Variants in NAV3 observed in about 807,000 individuals in gnomAD.
NAV3 encodes pore membrane and/or filament interacting like protein 1.
In NAV3, 87 loss-of-function variants were observed where a neutral mutation model predicts 244.7. The ratio of observed to expected loss-of-function variants is 0.36; its 90% CI spans 0.30 to 0.42. NAV3 has a LOEUF of 0.42. NAV3 is among the 20% of genes least tolerant of loss of function. The probability of loss-of-function intolerance (pLI) is 1.00; values close to 1 mark genes in which losing one functional copy is unlikely to be tolerated. For synonymous variants in NAV3, 1,126 were observed against 1,042.2 expected (o/e 1.08, Z -1.55); for missense variants, 2,663 against 2,893.3 (o/e 0.92, Z 1.83).
At chr12:77,979,227 A>G (rs1248792921) in intron 5 of NAV3, among the ~76,000 whole-genome samples, 4 of 136,304 alleles carry the variant, frequency 2.9e-5, no homozygotes, top group Non-Finnish European at 6.3e-5. Context: ...TACAATACAA[A>G]AAAAAAAAAA....
chr12:77,990,435 C>A (rs984356489), intron 5 of NAV3, among the ~76,000 whole-genome samples: 2 of 131,120 alleles, frequency 1.5e-5, no homozygotes, highest in Non-Finnish European at 3.6e-5. Context: ...CTAGTTGTGG[C>A]AATCTGGTAA....
chr12:77,953,368 A>T (rs111425662), intron 3 of NAV3, among the ~76,000 whole-genome samples: 3 of 152,164 alleles, frequency 2.0e-5, no homozygotes, highest in African/African-American at 7.2e-5. Context: ...AATTGAATAT[A>T]CCCTTCTCCA....
In NAV3 at chr12:78,120,189, C is replaced by A. The variant is rs557693817; in HGVS notation, c.3749+244C>A. Among the ~76,000 whole-genome samples, 789 of 90,698 alleles carry A rather than the reference C, an allele frequency of 8.7e-3. 4 individuals are homozygous for A. The highest frequency in any genetic ancestry group is 0.033 in the African/African-American group (735 of 22,556). The allele number at this position is 90,698 out of a possible 152,430, so 59.5% of individuals were successfully genotyped here. ...AGTTTCACTGTCATTGTGATACTAG[C>A]AACACAAACAACATCTAAGAGACTT... On this transcript the variant is annotated intron_variant, in intron 15 of 39. Coordinates refer to ENST00000397909, the MANE Select transcript of NAV3 (RefSeq NM_001024383.2).
At chr12:77,825,799 C>T (rs1458830820) in intron 2 of NAV3, among the ~76,000 whole-genome samples, 1 of 151,918 alleles carries the variant, frequency 6.6e-6, no homozygotes, top group African/African-American at 2.4e-5. Flanking sequence ...TAAGATAGGA[C>T]CTATACCGAA....
chr12:77,673,379 TTTC>T (rs761830048), intron 2 of NAV3, among the ~76,000 whole-genome samples: 2 of 152,120 alleles, frequency 1.3e-5, no homozygotes, highest in South Asian at 2.1e-4. Flanking sequence ...TATATAGTAA[TTTC>T]TTCTTATTCA....
chr12:77,999,794 A>G (rs1181014966), intron 7 of NAV3, among the ~76,000 whole-genome samples: 1 of 144,642 alleles, frequency 6.9e-6, no homozygotes, highest in East Asian at 2.7e-4. Flanking sequence ...CGCTCATCAG[A>G]AAAAAAAAAA....
At chr12:78,157,696 T>C (rs1347390640) in intron 22 of NAV3, among the ~76,000 whole-genome samples, 1 of 152,120 alleles carries the variant, frequency 6.6e-6, no homozygotes, top group Non-Finnish European at 1.5e-5. Flanking sequence ...TGATACTTTT[T>C]TTTAGTGGTA....
chr12:77,927,182 A>T (rs11107418), intron 1 of NAV3, among the ~76,000 whole-genome samples: 14,206 of 152,228 alleles, frequency 0.093, 890 homozygotes, highest in East Asian at 0.2. Context: ...TGTGGTATTA[A>T]TATTTAGATT....
At chr12:78,125,794 G>A (rs979832553) in intron 16 of NAV3, among the ~76,000 whole-genome samples, 1 of 152,076 alleles carries the variant, frequency 6.6e-6, no homozygotes, top group Non-Finnish European at 1.5e-5. Flanking sequence ...AATTATTATG[G>A]TAACTTTAAA....
Position 77,751,412 on chromosome 12 carries a change from C to T in NAV3, c.72+179146C>T, listed in dbSNP as rs1868847178. Among the ~76,000 whole-genome samples, 2 of 152,190 alleles carry T rather than the reference C, an allele frequency of 1.3e-5. 1 individual carries two copies. The highest frequency in any genetic ancestry group is 4.1e-4 in the South Asian group (2 of 4,830). On this transcript the variant is annotated intron_variant, in intron 2 of 8. Coordinates refer to the NAV3 transcript ENST00000550042. ...ATTTGAATTGTAGTTCTCGTAACTA[C>T]ATTTGGGAGAGATCTGGTGGGAGGT... is the stretch of plus-strand genomic sequence containing the variant.
At chr12:78,061,587 A>T (rs1425901244) in intron 12 of NAV3, among the ~76,000 whole-genome samples, 1 of 152,120 alleles carries the variant, frequency 6.6e-6, no homozygotes, top group Non-Finnish European at 1.5e-5. Context: ...AAAAAATTAC[A>T]GATAAGTCTG....
intron 15 of NAV3, 86 bp downstream of exon 15, chr12:78,120,031 T>C: frequency 1.4e-5 from 14 of 978,268 alleles, no homozygotes; most frequent in Admixed American, 3.2e-5. Context: ...TGTGTATATA[T>C]ATATTTTAAA....
At chr12:77,809,583 G>T (rs947886342) in intron 2 of NAV3, among the ~76,000 whole-genome samples, 1 of 152,178 alleles carries the variant, frequency 6.6e-6, no homozygotes, top group Admixed American at 6.5e-5. Context: ...CATTGATCTC[G>T]CTAGGAGCTG....
chr12:77,889,571 A>C (rs2619059), intron 1 of NAV3, among the ~76,000 whole-genome samples: 136,520 of 152,250 alleles, frequency 0.9, 61,270 homozygotes, highest in East Asian at 1. Flanking sequence ...AGTAAATATT[A>C]TTTTACTTTG....
At chr12:78,067,414 T>A (rs1202001470) in intron 12 of NAV3, among the ~76,000 whole-genome samples, 1 of 152,210 alleles carries the variant, frequency 6.6e-6, no homozygotes, top group South Asian at 2.1e-4. Context: ...GTGGAAAAAC[T>A]GTTATTGATG....
chr12:78,094,558 G>A (rs1313473861), intron 12 of NAV3, among the ~76,000 whole-genome samples: 3 of 152,002 alleles, frequency 2.0e-5, no homozygotes, highest in African/African-American at 7.3e-5. Flanking sequence ...ATATCCTAAA[G>A]CATTTAACCT....
At chr12:78,150,213 T>C (rs966339287) in intron 22 of NAV3, among the ~76,000 whole-genome samples, 1 of 152,090 alleles carries the variant, frequency 6.6e-6, no homozygotes, top group African/African-American at 2.4e-5. Flanking sequence ...TAGAATAATG[T>C]AAATGTCAGA....
chr12:77,610,215 C>G (rs1201399811), intron 2 of NAV3, among the ~76,000 whole-genome samples: 1 of 152,014 alleles, frequency 6.6e-6, no homozygotes, highest in African/African-American at 2.4e-5. Flanking sequence ...ACTTGCCTAC[C>G]TTCTTTGAAA....
At chr12:77,837,513 A>G (rs1036553631) in intron 1 of NAV3, among the ~76,000 whole-genome samples, 2 of 152,096 alleles carry the variant, frequency 1.3e-5, no homozygotes, top group African/African-American at 2.4e-5. Flanking sequence ...TGGCATAGGA[A>G]TTATTATTCT....
Sources: allele counts gnomAD v4.1 joint callset (sites outside exome capture counted in the v4.1 genomes callset), GRCh38; gene constraint gnomAD v4.1.1; transcripts MANE v1.5; gene names NCBI Gene and HGNC (gene_info 2026-07-23, HGNC 2026-07-21).